RPRD1B: variants seen among roughly 807,000 people sequenced by gnomAD.
RPRD1B encodes the protein regulation of nuclear pre-mRNA domain-containing protein 1B.
A neutral mutation model predicts 41.5 loss-of-function variants in RPRD1B; 11 were observed. That is an observed-to-expected ratio of 0.27 (90% CI 0.17 to 0.44). The LOEUF is 0.44. RPRD1B is among the 20% of genes least tolerant of loss of function. The pLI is 1.00. For synonymous variants in RPRD1B, 158 were observed against 155.6 expected, an observed-to-expected ratio of 1.02 and a Z score of -0.12; for missense variants, 248 against 389.9, an observed-to-expected ratio of 0.64 and a Z score of 3.06.
intron 6 of RPRD1B, among the ~76,000 whole-genome samples, chr20:38,073,368 G>T (rs6068703): frequency 1.3e-5 from 2 of 152,070 alleles, no homozygotes; most frequent in African/African-American, 4.8e-5. Flanking sequence ...GTTTCTCCTC[G>T]CTTGGCACCT....
At chr20:38,089,306 T>A (rs2074591363) in intron 6 of RPRD1B, among the ~76,000 whole-genome samples, 1 of 152,142 alleles carries the variant, frequency 6.6e-6, no homozygotes, top group Non-Finnish European at 1.5e-5. Flanking sequence ...TCTCCAAGCT[T>A]TAACATAGGA....
chr20:38,066,719 G>T (rs536122320), intron 6 of RPRD1B, among the ~76,000 whole-genome samples: 1 of 151,976 alleles, frequency 6.6e-6, no homozygotes, highest in Non-Finnish European at 1.5e-5. Context: ...GCAGCGGTGC[G>T]ATCTCGGCTC....
intron 5 of RPRD1B, among the ~76,000 whole-genome samples, chr20:38,063,721 T>C (rs1027741844): frequency 6.6e-6 from 1 of 152,094 alleles, no homozygotes; most frequent in African/African-American, 2.4e-5. Flanking sequence ...AACGAGGGAA[T>C]GGGATGCGCA....
chr20:38,054,839 C>G (rs1350510922), intron 3 of RPRD1B, among the ~76,000 whole-genome samples: 1 of 152,150 alleles, frequency 6.6e-6, no homozygotes, highest in Admixed American at 6.5e-5. Flanking sequence ...TTTGTACTTA[C>G]CTTCTAATGG....
At chr20:38,051,522 A>T (rs938596325) in intron 3 of RPRD1B, among the ~76,000 whole-genome samples, 6 of 152,222 alleles carry the variant, frequency 3.9e-5, no homozygotes, top group African/African-American at 1.4e-4. Flanking sequence ...TTAGATGAGG[A>T]TACTGGCTCA....
chr20:38,061,593 G>C (rs527807349), intron 5 of RPRD1B, among the ~76,000 whole-genome samples: 65 of 152,192 alleles, frequency 4.3e-4, no homozygotes, highest in African/African-American at 1.5e-3. Context: ...CCCCCACTTG[G>C]GAAGATTTTT....
At chr20:38,075,133 A>G (rs564845543) in intron 6 of RPRD1B, among the ~76,000 whole-genome samples, 1 of 152,330 alleles carries the variant, frequency 6.6e-6, no homozygotes, top group South Asian at 2.1e-4. Flanking sequence ...AAGTGGTTCT[A>G]TGTATATGTG....
At chr20:38,048,047 T>G (rs1303853575) in intron 2 of RPRD1B, among the ~76,000 whole-genome samples, 2 of 152,114 alleles carry the variant, frequency 1.3e-5, no homozygotes, top group East Asian at 3.9e-4. Flanking sequence ...TAACGTCTTC[T>G]TAAAAAGCAA....
rs972000368 is a variant in RPRD1B at position 38,033,821 on chromosome 20, C to T, written c.-127C>T. 13 of 950,104 alleles carry T rather than the reference C, an allele frequency of 1.4e-5. No individual in the cohort carries two copies. Among genetic ancestry groups the T allele is most frequent in the African/African-American group, 1.0e-4 (6 of 59,766 alleles). The allele number at this position is 950,104 out of a possible 1,614,324, so 58.9% of individuals were successfully genotyped here. On this transcript the variant is annotated 5_prime_UTR_variant, in exon 1 of 7. Transcript: ENST00000373433. ...CCCATCCCCTCCCCCTTCTCGCACC[C>T]CTGGCAGTCTGTCAGTCGGTAAAAA... is the stretch of plus-strand genomic sequence containing the variant.
intron 6 of RPRD1B, chr20:38,070,108 G>A: frequency 1.4e-6 from 1 of 721,774 alleles, no homozygotes; most frequent in Non-Finnish European, 1.7e-6. Flanking sequence ...ACCATTTTTA[G>A]AAGTTTCTGT....
chr20:38,090,080 T>C lies in RPRD1B; in HGVS notation c.*205T>C, dbSNP rs1335888558. 1.6e-5 allele frequency: 21 copies of C among 1,295,908 alleles called. No individual in the cohort carries two copies. Among genetic ancestry groups the C allele is most frequent in the Non-Finnish European group, 2.0e-5 (20 of 1,020,150 alleles). 80.3% of individuals were successfully genotyped at this position (1,295,908 alleles called of 1,614,324 possible). ...ACAGTGGCGACTGGAATCTGGTTTA[T>C]ATTCATATTTGCAAAGACTACAGAC... On this transcript the variant is annotated 3_prime_UTR_variant, in exon 7 of 7. Transcript: ENST00000373433.
chr20:38,040,737 T>G (rs535753919), intron 2 of RPRD1B, among the ~76,000 whole-genome samples, 173 bp downstream of exon 2: 1 of 152,236 alleles, frequency 6.6e-6, no homozygotes, highest in Non-Finnish European at 1.5e-5. Context: ...TATCGAGACA[T>G]GTAAACATTC....
rs1479548214 is a variant in RPRD1B, at chr20:38,089,762, C to T, written c.868C>T (p.Arg290Cys). 1 of 1,614,124 alleles carries T rather than the reference C, an allele frequency of 6.2e-7. No individual in the cohort carries two copies. Among genetic ancestry groups the T allele is most frequent in the Non-Finnish European group, 8.5e-7 (1 of 1,180,014 alleles). ...KQKLARVTQV[R>C]KELKSHIQSL... ...GAAGCTTGCACGAGTAACCCAGGTC[C>T]GCAAGGAACTGAAATCCCATATTCA... is the stretch of plus-strand genomic sequence containing the variant. Residue 290 changes from arginine (R) to cysteine (C), a missense_variant, in exon 7 of 7, where the codon CGC becomes TGC. By Grantham distance (180) the Arg-to-Cys change is radical. This residue lies in a region of RPRD1B where 93 missense variants were observed against 167.2 expected (regional missense o/e 0.56). Transcript: ENST00000373433.
intron 6 of RPRD1B, among the ~76,000 whole-genome samples, chr20:38,072,278 CTT>C (rs1463467891): frequency 3.3e-5 from 5 of 152,200 alleles, no homozygotes; most frequent in South Asian, 2.1e-4. Context: ...AGAGACTACT[CTT>C]TTCCTCCACC....
intron 3 of RPRD1B, among the ~76,000 whole-genome samples, chr20:38,056,113 G>C (rs933834233): frequency 6.6e-6 from 1 of 152,138 alleles, no homozygotes; most frequent in Non-Finnish European, 1.5e-5. Flanking sequence ...TTGGCCAGGC[G>C]TGATGGCTCA....
chr20:38,070,292 G>A, intron 6 of RPRD1B: 1 of 985,426 alleles, frequency 1.0e-6, no homozygotes, highest in Non-Finnish European at 1.2e-6. Flanking sequence ...AAGGAATGCT[G>A]CTGAAAATCT....
At position 38,090,974 on chromosome 20, in the gene RPRD1B, G is replaced by T; in HGVS notation, c.*1099G>T. Reference sequence around the variant, plus strand: ...CAGATGTTATTGAATAGCTCGTCTCGGGCAGGGGAAGCGGGGAGTTGGGGA... The same window carrying T: ...CAGATGTTATTGAATAGCTCGTCTCTGGCAGGGGAAGCGGGGAGTTGGGGA... On this transcript the variant is annotated 3_prime_UTR_variant, in exon 7 of 7. Coordinates refer to ENST00000373433, the MANE Select transcript of RPRD1B (RefSeq NM_021215.4). 1.0e-6 allele frequency: 1 copy of T among 985,482 alleles called. No individual in the cohort carries two copies. Among genetic ancestry groups the T allele is most frequent in the Non-Finnish European group, 1.2e-6 (1 of 829,944 alleles). 61.0% of individuals were successfully genotyped at this position (985,482 alleles called of 1,614,324 possible). A position where few individuals can be genotyped will look rare whatever the true frequency, so the allele number is the denominator to read the frequency against.
At chr20:38,086,470 C>T (rs2074561970) in intron 6 of RPRD1B, among the ~76,000 whole-genome samples, 1 of 152,162 alleles carries the variant, frequency 6.6e-6, no homozygotes, top group African/African-American at 2.4e-5. Context: ...TCTTAGCCTA[C>T]AGATCTTTTC....
At chr20:38,056,886 T>G (rs577400103) in intron 3 of RPRD1B, among the ~76,000 whole-genome samples, 1 of 152,350 alleles carries the variant, frequency 6.6e-6, no homozygotes, top group South Asian at 2.1e-4. Context: ...ATTTTGGAAT[T>G]AACACATCTA....
Sources: allele counts gnomAD v4.1 joint callset (sites outside exome capture counted in the v4.1 genomes callset), GRCh38; gene constraint gnomAD v4.1.1; regional missense constraint gnomAD v4.1.1; transcripts MANE v1.5; gene names NCBI Gene and HGNC (gene_info 2026-07-23, HGNC 2026-07-21).